Variants in MGMT observed in about 807,000 individuals in gnomAD.
MGMT encodes O-6-methylguanine-DNA methyltransferase.
Under a neutral mutation model 15.9 loss-of-function variants are expected in MGMT, and 14 were observed. That is an observed-to-expected ratio of 0.88 (90% CI 0.58 to 1.37). MGMT has a LOEUF of 1.37. MGMT is among the 40% of genes most tolerant of loss of function. The probability of loss-of-function intolerance (pLI) is 0.00; values close to 1 mark genes in which losing one functional copy is unlikely to be tolerated. For missense variants in MGMT, 282 were observed against 268.1 expected (o/e 1.05, Z -0.36); for synonymous variants, 130 against 118.2 (o/e 1.10, Z -0.65).
intron 2 of MGMT, among the ~76,000 whole-genome samples, chr10:129,663,387 A>C (rs1446245101): frequency 6.6e-6 from 1 of 152,196 alleles, no homozygotes; most frequent in Non-Finnish European, 1.5e-5. Flanking sequence ...ATATCAGTAA[A>C]AATGAGGGAA....
intron 2 of MGMT, among the ~76,000 whole-genome samples, chr10:129,663,796 A>G (rs1470980765): frequency 6.6e-6 from 1 of 152,200 alleles, no homozygotes; most frequent in African/African-American, 2.4e-5. Flanking sequence ...ACCAATTTAC[A>G]TGGAAGAAAC....
chr10:129,514,898 G>T (rs567797609), intron 1 of MGMT, among the ~76,000 whole-genome samples: 27 of 152,224 alleles, frequency 1.8e-4, no homozygotes, highest in Non-Finnish European at 3.4e-4. Context: ...AACACAGTGA[G>T]CATGCCCCAC....
intron 2 of MGMT, among the ~76,000 whole-genome samples, chr10:129,661,304 GGA>G (rs1263861023): frequency 6.6e-6 from 1 of 152,018 alleles, no homozygotes; most frequent in Admixed American, 6.5e-5. Context: ...TAGACGTCTA[GGA>G]GAGGAATTGT....
intron 2 of MGMT, among the ~76,000 whole-genome samples, chr10:129,554,193 C>T (rs535643837): frequency 1.8e-4 from 28 of 152,334 alleles, no homozygotes; most frequent in African/African-American, 5.8e-4. Flanking sequence ...ACACTGCAGC[C>T]GTGAGCAGCA....
chr10:129,618,706 C>G, intron 2 of MGMT, among the ~76,000 whole-genome samples: 1 of 60,536 alleles, frequency 1.7e-5, no homozygotes. Flanking sequence ...TAAATATATT[C>G]CACATAAATT....
intron 2 of MGMT, among the ~76,000 whole-genome samples, chr10:129,670,390 T>A (rs992267295): frequency 6.6e-6 from 1 of 152,182 alleles, no homozygotes; most frequent in African/African-American, 2.4e-5. Flanking sequence ...GATTTAAAAA[T>A]TTTTTCTTTG....
chr10:129,715,488 A>C (rs1180588222), intron 3 of MGMT: 3 of 152,230 alleles, frequency 2.0e-5, no homozygotes, highest in Non-Finnish European at 4.4e-5. Flanking sequence ...TTTTCACTTA[A>C]ATATGTTTCT....
intron 2 of MGMT, among the ~76,000 whole-genome samples, chr10:129,616,773 C>T (rs753970244): frequency 7.9e-5 from 12 of 152,058 alleles, no homozygotes; most frequent in Non-Finnish European, 1.3e-4. Context: ...GTGAGTGTTC[C>T]AGGAAAGAAC....
intron 2 of MGMT, among the ~76,000 whole-genome samples, chr10:129,630,425 T>G (rs1037138126): frequency 6.6e-6 from 1 of 152,224 alleles, no homozygotes. Context: ...AGGAAAGATA[T>G]TAACCCTTCC....
intron 2 of MGMT, among the ~76,000 whole-genome samples, chr10:129,663,374 C>A (rs886520030): frequency 1.3e-5 from 2 of 151,510 alleles, no homozygotes; most frequent in African/African-American, 2.4e-5. Context: ...ACTGTAGACA[C>A]CTATATCAGT....
chr10:129,572,527 C>T (rs770945766), intron 2 of MGMT, among the ~76,000 whole-genome samples: 5 of 152,132 alleles, frequency 3.3e-5, no homozygotes, highest in Non-Finnish European at 7.3e-5. Flanking sequence ...GGCATGATTC[C>T]GCTCTCGGAG....
intron 2 of MGMT, among the ~76,000 whole-genome samples, chr10:129,653,012 C>T (rs963929472): frequency 1.3e-5 from 2 of 152,202 alleles, no homozygotes; most frequent in African/African-American, 4.8e-5. Flanking sequence ...TCCAGTGGCT[C>T]TCGGGATCCC....
intron 2 of MGMT, among the ~76,000 whole-genome samples, chr10:129,625,038 AAAATG>A (rs1243241188): frequency 1.3e-5 from 2 of 152,236 alleles, no homozygotes; most frequent in African/African-American, 4.8e-5. Flanking sequence ...CTGATGAAGA[AAAATG>A]AAATGACAAA....
At chr10:129,713,211 G>A (rs1034764255) in intron 3 of MGMT, among the ~76,000 whole-genome samples, 1 of 152,122 alleles carries the variant, frequency 6.6e-6, no homozygotes, top group East Asian at 1.9e-4. Flanking sequence ...GATTTTAAAC[G>A]AGGGCTCATA....
At chr10:129,742,962 G>A (rs1848653076) in intron 3 of MGMT, among the ~76,000 whole-genome samples, 1 of 151,966 alleles carries the variant, frequency 6.6e-6, no homozygotes, top group Admixed American at 6.6e-5. Flanking sequence ...CCGGAAGATG[G>A]CAACTTGATG....
chr10:129,584,449 TC>T (rs1286169045), intron 2 of MGMT, among the ~76,000 whole-genome samples: 1 of 151,968 alleles, frequency 6.6e-6, no homozygotes, highest in Non-Finnish European at 1.5e-5. Context: ...GTTTTTTTTT[TC>T]ATGTTATAGC....
At chr10:129,633,411 G>A (rs574522709) in intron 2 of MGMT, among the ~76,000 whole-genome samples, 16 of 152,194 alleles carry the variant, frequency 1.1e-4, no homozygotes, top group Non-Finnish European at 2.2e-4. Context: ...GCACATTAGA[G>A]TTACAACTGT....
chr10:129,726,566 A>G (rs1848437067), intron 3 of MGMT, among the ~76,000 whole-genome samples: 1 of 152,214 alleles, frequency 6.6e-6, no homozygotes, highest in Non-Finnish European at 1.5e-5. Flanking sequence ...GAACAGTGGC[A>G]TTGGTGTTTT....
At chr10:129,559,319 T>C (rs1846251122) in intron 2 of MGMT, among the ~76,000 whole-genome samples, 1 of 152,236 alleles carries the variant, frequency 6.6e-6, no homozygotes, top group Non-Finnish European at 1.5e-5. Context: ...TATAGCCTTC[T>C]TACTTTGCCC....
Sources: allele counts gnomAD v4.1 joint callset (sites outside exome capture counted in the v4.1 genomes callset), GRCh38; gene constraint gnomAD v4.1.1; transcripts MANE v1.5; gene names NCBI Gene and HGNC (gene_info 2026-07-23, HGNC 2026-07-21).